The following CDK7 variants were observed in gnomAD, a reference collection of about 807,000 sequenced individuals.
CDK7 encodes the protein cyclin-dependent kinase 7.
A neutral mutation model predicts 49.1 loss-of-function variants in CDK7; 25 were observed. That is an observed-to-expected ratio of 0.51 (90% CI 0.37 to 0.71). CDK7 has a LOEUF of 0.71. Ranked by LOEUF, CDK7 falls within the 30% of genes least tolerant of loss-of-function variation. The pLI is 0.00. For synonymous variants in CDK7, 107 were observed against 140.0 expected, an observed-to-expected ratio of 0.76 and a Z score of 1.67; for missense variants, 316 against 411.7, an observed-to-expected ratio of 0.77 and a Z score of 2.01.
chr5:69,268,881 G>A (rs183142519), intron 8 of CDK7, among the ~76,000 whole-genome samples: 11 of 148,906 alleles, frequency 7.4e-5, no homozygotes, highest in Non-Finnish European at 1.5e-4. Flanking sequence ...GGTGGCTCAC[G>A]CCTGTAATCC....
rs547812642 is a variant in CDK7, at chr5:69,239,613, A to G, written c.126+4160A>G. ...TGGATATTGATCCTTTGTCAGAAAT[A>G]CACATTGCATATATCATTTCCCAGT... On this transcript the variant is annotated intron_variant, in intron 2 of 11. Coordinates refer to ENST00000256443, the MANE Select transcript of CDK7 (RefSeq NM_001799.4). 3.9e-5 allele frequency among the ~76,000 whole-genome samples: 6 copies of G among 152,256 alleles called. No individual in the cohort carries two copies. The South Asian group carries it at 1.2e-3, about 32-fold the overall frequency.
At chr5:69,246,426 C>T (rs1287578048) in intron 2 of CDK7, among the ~76,000 whole-genome samples, 1 of 152,054 alleles carries the variant, frequency 6.6e-6, no homozygotes, top group Non-Finnish European at 1.5e-5. Flanking sequence ...TGAGCCACCG[C>T]ACCCGGCCAG....
At chr5:69,260,290 C>T (rs1193734032) in intron 7 of CDK7, among the ~76,000 whole-genome samples, 1 of 151,948 alleles carries the variant, frequency 6.6e-6, no homozygotes, top group African/African-American at 2.4e-5. Context: ...GCAGAAGTTG[C>T]AGTGAGCAGA....
chr5:69,235,583 ATAAT>A (rs1432127242), intron 2 of CDK7, 130 bp downstream of exon 2: 24 of 695,848 alleles, frequency 3.4e-5, no homozygotes, highest in African/African-American at 2.0e-4. Context: ...CAGAGACAAA[ATAAT>A]TAATTAGTGC....
intron 7 of CDK7, among the ~76,000 whole-genome samples, chr5:69,261,052 A>G (rs1750778722): frequency 6.6e-6 from 1 of 152,046 alleles, no homozygotes; most frequent in African/African-American, 2.4e-5. Context: ...TCCTGCACTC[A>G]AGCGATCCTC....
chr5:69,251,734 T>C (rs138471687), intron 2 of CDK7, among the ~76,000 whole-genome samples: 210 of 152,252 alleles, frequency 1.4e-3, no homozygotes, highest in African/African-American at 4.8e-3. Flanking sequence ...GGTCTTGCTA[T>C]GTTGCCCAGG....
Position 69,272,933 on chromosome 5 carries a change from C to A in CDK7, c.756C>A (p.Phe252Leu). 1.5e-5 allele frequency: 24 copies of A among 1,594,700 alleles called. No individual in the cohort carries two copies. Among genetic ancestry groups the A allele is most frequent in the Non-Finnish European group, 2.1e-5 (24 of 1,169,234 alleles). ...CAGATTATGTGACATTTAAGAGTTT[C>A]CCTGGAATACCTTTGCATCACATCT... ...SLPDYVTFKS[F>L]PGIPLHHIFS... The change falls in exon 10 of 12, where the codon TTC becomes TTA. Residue 252 changes from phenylalanine to leucine, a missense_variant. Coordinates refer to ENST00000256443, the MANE Select transcript of CDK7 (RefSeq NM_001799.4).
chr5:69,267,325 CAG>C (rs1263045203), intron 8 of CDK7, among the ~76,000 whole-genome samples: 3 of 89,108 alleles, frequency 3.4e-5, no homozygotes, highest in African/African-American at 4.3e-5. Context: ...TTTTTTGAGA[CAG>C]AGTCTTTGTC....
intron 2 of CDK7, among the ~76,000 whole-genome samples, chr5:69,236,109 C>T (rs1169240086): frequency 6.6e-6 from 1 of 151,996 alleles, no homozygotes; most frequent in Non-Finnish European, 1.5e-5. Context: ...GGTGTGGTGG[C>T]ACCTGTCTGT....
At chr5:69,267,628 T>C (rs1433628328) in intron 8 of CDK7, among the ~76,000 whole-genome samples, 2 of 152,118 alleles carry the variant, frequency 1.3e-5, no homozygotes, top group African/African-American at 2.4e-5. Context: ...ATAACCACAA[T>C]ACCATTGTCA....
intron 10 of CDK7, among the ~76,000 whole-genome samples, chr5:69,276,064 C>G (rs1327559964): frequency 2.6e-5 from 4 of 152,224 alleles, no homozygotes; most frequent in Non-Finnish European, 5.9e-5. Context: ...GAGCCTTGCT[C>G]TGTCGCCCAG....
At chr5:69,257,982 A>ATG in intron 5 of CDK7, 61 bp from the exon 6 acceptor site, 1 of 817,130 alleles carries the variant, frequency 1.2e-6, no homozygotes. Flanking sequence ...AAATTGTTTT[A>ATG]TGTGGTAGAG....
chr5:69,253,010 AGTTT>A (rs2150202653), intron 3 of CDK7, among the ~76,000 whole-genome samples: 1 of 152,264 alleles, frequency 6.6e-6, no homozygotes, highest in African/African-American at 2.4e-5. Context: ...AAGCTTAATT[AGTTT>A]GTCTTTCTGT....
At chr5:69,254,234 G>A (rs1301261483) in intron 3 of CDK7, among the ~76,000 whole-genome samples, 8 of 152,072 alleles carry the variant, frequency 5.3e-5, no homozygotes, top group Non-Finnish European at 4.4e-5. Context: ...TTAAAAATAT[G>A]TGTTTGTGGC....
intron 9 of CDK7, among the ~76,000 whole-genome samples, chr5:69,272,004 T>C (rs1751603093): frequency 6.6e-6 from 1 of 151,978 alleles, no homozygotes; most frequent in South Asian, 2.1e-4. Flanking sequence ...TTGTCCAGGC[T>C]GGTCTCGAAC....
At chr5:69,241,147 T>C (rs1180331307) in intron 2 of CDK7, among the ~76,000 whole-genome samples, 1 of 152,104 alleles carries the variant, frequency 6.6e-6, no homozygotes, top group African/African-American at 2.4e-5. Flanking sequence ...TTTAGTTTTT[T>C]GAGGAACCTC....
chr5:69,251,565 A>C (rs1189306502), intron 2 of CDK7, among the ~76,000 whole-genome samples: 2 of 152,102 alleles, frequency 1.3e-5, no homozygotes, highest in Non-Finnish European at 2.9e-5. Flanking sequence ...TGTTTGAGAC[A>C]GTCTCTCTCT....
chr5:69,252,478 T>C (rs781189786), intron 3 of CDK7, 27 bp downstream of exon 3: 4 of 1,039,796 alleles, frequency 3.8e-6, no homozygotes, highest in South Asian at 3.0e-5. Flanking sequence ...ATCTGACAGA[T>C]AGGAAAAGTT....
At chr5:69,236,541 C>G (rs868562744) in intron 2 of CDK7, among the ~76,000 whole-genome samples, 19 of 151,960 alleles carry the variant, frequency 1.3e-4, no homozygotes, top group African/African-American at 4.6e-4. Context: ...TTAATTCCCC[C>G]TTTTTTTGGT....
Sources: allele counts gnomAD v4.1 joint callset (sites outside exome capture counted in the v4.1 genomes callset), GRCh38; gene constraint gnomAD v4.1.1; transcripts MANE v1.5; gene names NCBI Gene and HGNC (gene_info 2026-07-23, HGNC 2026-07-21).